C2CD3: variants seen among roughly 807,000 people sequenced by gnomAD.
C2CD3 encodes the protein C2 domain-containing protein 3.
A neutral mutation model predicts 234.0 loss-of-function variants in C2CD3; 148 were observed. The ratio of observed to expected loss-of-function variants is 0.63; its 90% confidence interval spans 0.55 to 0.72. The LOEUF (loss-of-function observed/expected upper bound fraction) is 0.72, where lower values mean the gene tolerates loss of function less well. Ranked by LOEUF, C2CD3 falls within the 30% of genes least tolerant of loss-of-function variation. The pLI, the probability that C2CD3 is intolerant of heterozygous loss-of-function variation, is 0.00. For synonymous variants in C2CD3, 1,000 were observed against 1,035.4 expected (o/e 0.97, Z 0.66); for missense variants, 2,577 against 2,811.5 (o/e 0.92, Z 1.89).
Position 74,049,357 on chromosome 11 carries a change from C to T in C2CD3, c.5341G>A (p.Val1781Met). The stretch of plus-strand genomic sequence containing the variant: ...CATACCAGTGATTTTGAGGTCTCCA[C>T]TCCACGCCTTGCTTGCCTTTCTTCT... ...FKEERQARRG[V>M]ETSKSLIPIY... The change falls in exon 27 of 33, where the codon GTG becomes ATG. Residue 1781 changes from valine to methionine, a missense_variant. Physicochemically the swap from Val to Met is conservative, Grantham distance 21. Transcript: ENST00000334126. 4 of 1,614,116 alleles carry T rather than the reference C, an allele frequency of 2.5e-6. No homozygotes were observed. Among genetic ancestry groups the T allele is most frequent in the Non-Finnish European group, 2.5e-6 (3 of 1,179,948 alleles).
intron 5 of C2CD3, among the ~76,000 whole-genome samples, chr11:74,136,229 T>C (rs1404835133): frequency 6.6e-6 from 1 of 152,204 alleles, no homozygotes; most frequent in Admixed American, 6.5e-5. Context: ...TACAGTGATG[T>C]GGTCCCTCTC....
At chr11:74,107,821 T>G (rs2135502010) in intron 12 of C2CD3, 1 of 152,194 alleles carries the variant, frequency 6.6e-6, no homozygotes, top group Non-Finnish European at 1.5e-5. Flanking sequence ...TTTTTCAAGT[T>G]TTCTACAAAA....
At chr11:74,137,400 A>T (rs1282390666) in intron 5 of C2CD3, among the ~76,000 whole-genome samples, 1 of 151,974 alleles carries the variant, frequency 6.6e-6, no homozygotes, top group Non-Finnish European at 1.5e-5. Context: ...GAGTCAACAA[A>T]TATCTTTCCT....
intron 32 of C2CD3, among the ~76,000 whole-genome samples, chr11:74,018,954 TC>T (rs771424845): frequency 6.6e-6 from 1 of 152,036 alleles, no homozygotes; most frequent in Non-Finnish European, 1.5e-5. Context: ...CAAGAAGCCT[TC>T]CCGGACAGGC....
At chr11:74,150,680 T>C (rs989311528) in intron 3 of C2CD3, among the ~76,000 whole-genome samples, 1 of 151,966 alleles carries the variant, frequency 6.6e-6, no homozygotes, top group Non-Finnish European at 1.5e-5. Context: ...TACTGGATTA[T>C]TGTGAACCAA....
At chr11:74,020,482 T>A (rs577033724) in intron 32 of C2CD3, among the ~76,000 whole-genome samples, 6 of 152,356 alleles carry the variant, frequency 3.9e-5, no homozygotes, top group South Asian at 4.1e-4. Flanking sequence ...TTGCTTTACT[T>A]CAGTGCTAAT....
At chr11:74,146,710 C>CCACACA (rs141560536) in intron 3 of C2CD3, among the ~76,000 whole-genome samples, 84 of 85,004 alleles carry the variant, frequency 9.9e-4, no homozygotes, top group East Asian at 2.2e-3. Context: ...AAAAGTCAAA[C>CCACACA]CACACACACA....
At position 74,074,556 on chromosome 11, in the gene C2CD3, C is replaced by T; in HGVS notation, c.4648G>A (p.Ala1550Thr). Residue 1550 changes from alanine (A) to threonine (T), a missense_variant, in exon 24 of 33, where the codon GCT becomes ACT. Transcript: ENST00000334126. ...AGAACCACATGAACTCGCAAGGCAGCTCCTGAGAGGTTGGAAGCATTTCGT... is the reference window on the plus strand; with the variant it reads ...AGAACCACATGAACTCGCAAGGCAGTTCCTGAGAGGTTGGAAGCATTTCGT... ...FGRNASNLSG[A>T]ALRVHVVLSS... is the part of the protein sequence containing the mutation. 1.9e-6 allele frequency: 3 copies of T among 1,614,126 alleles called. No individual in the cohort carries two copies. The highest frequency in any genetic ancestry group is 2.5e-6 in the Non-Finnish European group (3 of 1,179,990).
intron 24 of C2CD3, among the ~76,000 whole-genome samples, chr11:74,063,184 G>T (rs546052810): frequency 6.6e-6 from 1 of 152,062 alleles, no homozygotes; most frequent in East Asian, 1.9e-4. Flanking sequence ...ATTCACAGCC[G>T]CATCTACCAG....
rs772187220 is a variant in C2CD3, at chr11:74,161,533, C to T, written c.349G>A (p.Val117Ile). The T allele has an allele frequency of 1.6e-5, 25 of 1,583,776 alleles. No homozygotes were observed. Among genetic ancestry groups the T allele is most frequent in the Middle Eastern group, 3.3e-4 (2 of 6,004 alleles). Reference sequence around the variant, plus strand: ...GGAAGACCATCAAGTTTGGTGATTACTTCCAGCACCAGCACAGCCATATCT... The same window carrying T: ...GGAAGACCATCAAGTTTGGTGATTATTTCCAGCACCAGCACAGCCATATCT... Reference protein sequence around the residue: ...LTDMAVLVLEVITKLDGLPIG... With the variant: ...LTDMAVLVLEIITKLDGLPIG... The change falls in exon 3 of 33, where the codon GTA becomes ATA. Residue 117 changes from valine to isoleucine, a missense_variant. By Grantham distance (29) the Val-to-Ile change is conservative (BLOSUM62 3). Coordinates refer to ENST00000334126, the MANE Select transcript of C2CD3 (RefSeq NM_001286577.2).
intron 27 of C2CD3, among the ~76,000 whole-genome samples, chr11:74,048,815 C>T (rs558098224): frequency 3.3e-5 from 5 of 152,122 alleles, no homozygotes; most frequent in Non-Finnish European, 7.4e-5. Context: ...GGGCCAGGCA[C>T]GAGAGACAGA....
intron 14 of C2CD3, among the ~76,000 whole-genome samples, chr11:74,101,251 C>T (rs1226666337): frequency 6.6e-6 from 1 of 152,128 alleles, no homozygotes; most frequent in African/African-American, 2.4e-5. Flanking sequence ...AGACAGGTCA[C>T]AAAGAGAATC....
chr11:74,168,745 G>T, intron 1 of C2CD3, 132 bp from the exon 2 acceptor site: 1 of 770,294 alleles, frequency 1.3e-6, no homozygotes, highest in East Asian at 2.6e-5. Context: ...TTAGAAAGAA[G>T]GTTTATCCTA....
chr11:74,118,965 T>C (rs1957122974), intron 8 of C2CD3, among the ~76,000 whole-genome samples: 1 of 150,336 alleles, frequency 6.7e-6, no homozygotes. Context: ...TGGAGTGCAG[T>C]GGCACAATCA....
chr11:74,169,119 G>A (rs1209011093), intron 1 of C2CD3, among the ~76,000 whole-genome samples: 2 of 152,146 alleles, frequency 1.3e-5, no homozygotes, highest in Admixed American at 6.5e-5. Context: ...AAACGATTTA[G>A]ACTATATCAT....
Position 74,159,764 on chromosome 11 carries a change from G to A in C2CD3, c.483+1635C>T, listed in dbSNP as rs188226165. Among the ~76,000 whole-genome samples, 350 of 151,936 alleles carry A rather than the reference G, an allele frequency of 2.3e-3. 1 individual carries two copies. Among genetic ancestry groups the A allele is most frequent in the African/African-American group, 8.2e-3 (339 of 41,460 alleles). ...GTAAATTTAGTGTAGTCTTCTAAGTGTACAGTGTTTATAAAGTCTACAGTA... is the reference window on the plus strand; with the variant it reads ...GTAAATTTAGTGTAGTCTTCTAAGTATACAGTGTTTATAAAGTCTACAGTA... On this transcript the variant is annotated intron_variant, in intron 3 of 32. Transcript: ENST00000334126.
intron 9 of C2CD3, among the ~76,000 whole-genome samples, chr11:74,116,932 ATATACACATATACACGTATATATGTG>A (rs1956974416): frequency 8.3e-6 from 1 of 119,898 alleles, no homozygotes; most frequent in African/African-American, 3.5e-5. Context: ...ATACACGTGT[ATATACACATATACACGTATATATGTG>A]TATATACACA....
rs1312832353 is a variant in C2CD3, at chr11:74,085,611, T to G, written c.3910+7A>C. 1.9e-6 allele frequency: 3 copies of G among 1,613,842 alleles called. No homozygotes were observed. In the African/African-American group the frequency reaches 4.0e-5, roughly 22 times the overall value. ...ATTTTGATTGTGACAAGTCATATGG[T>G]GCTCACCTGACTTGGTATTTTCATG... is the stretch of plus-strand genomic sequence containing the variant. On this transcript the variant is annotated splice_region_variant and intron_variant, in intron 21 of 32. Transcript: ENST00000334126.
At chr11:74,121,335 G>T (rs1957207797) in intron 8 of C2CD3, among the ~76,000 whole-genome samples, 1 of 152,112 alleles carries the variant, frequency 6.6e-6, no homozygotes, top group Admixed American at 6.5e-5. Context: ...AGCTGGACAT[G>T]ATGGCTCACA....
Sources: gnomAD v4.1 joint callset for allele counts (sites outside exome capture counted in the v4.1 genomes callset) on GRCh38, gnomAD v4.1.1 for gene constraint, MANE v1.5 for transcripts, NCBI Gene and HGNC (gene_info 2026-07-23, HGNC 2026-07-21) for gene names.